Variants in GPC6 observed in about 807,000 individuals in gnomAD.
The protein encoded by GPC6 is glypican-6.
GPC6 carries 14 observed loss-of-function variants against 55.2 expected under a neutral mutation model. The observed-to-expected ratio is 0.25, with a 90% CI of 0.17 to 0.40. The LOEUF is 0.40. GPC6 is among the 10% of genes least tolerant of loss of function. GPC6 has a pLI of 1.00. For synonymous variants in GPC6, 278 were observed against 259.6 expected (o/e 1.07, Z -0.68); for missense variants, 641 against 708.5 (o/e 0.90, Z 1.08).
intron 1 of GPC6, among the ~76,000 whole-genome samples, chr13:93,503,662 A>G (rs190772019): frequency 2.6e-5 from 4 of 152,248 alleles, no homozygotes; most frequent in Admixed American, 6.5e-5. Context: ...AGCTGTAGCA[A>G]TGGAATCTTA....
At chr13:93,311,025 A>G (rs556799237) in intron 1 of GPC6, among the ~76,000 whole-genome samples, 1 of 152,346 alleles carries the variant, frequency 6.6e-6, no homozygotes, top group East Asian at 1.9e-4. Context: ...TTTCTGATAT[A>G]AAAATGAAGA....
intron 4 of GPC6, among the ~76,000 whole-genome samples, chr13:94,106,555 G>A (rs1195146501): frequency 6.6e-6 from 1 of 151,906 alleles, no homozygotes; most frequent in East Asian, 1.9e-4. Context: ...AGGAGAGAGG[G>A]AGGGAAAGAG....
Position 93,246,162 on chromosome 13 carries a change from T to TA in GPC6, c.160+18547dup, listed in dbSNP as rs559354676. The stretch of plus-strand genomic sequence containing the variant: ...AGATCTAGCCATTTCCCCTGACTTT[T>TA]AGACTGTTATGCAAGGCGACTACAT... On this transcript the variant is annotated intron_variant, in intron 1 of 8. Coordinates refer to ENST00000377047, the MANE Select transcript of GPC6 (RefSeq NM_005708.5). 3.6e-3 allele frequency among the ~76,000 whole-genome samples: 546 copies of TA among 152,322 alleles called. 3 individuals are homozygous for TA. Among genetic ancestry groups the TA allele is most frequent in the African/African-American group, 0.012 (511 of 41,572 alleles).
At chr13:93,456,678 T>C (rs1878464308) in intron 1 of GPC6, among the ~76,000 whole-genome samples, 1 of 152,040 alleles carries the variant, frequency 6.6e-6, no homozygotes, top group African/African-American at 2.4e-5. Flanking sequence ...AGGAGAAAGA[T>C]AATATATGGA....
chr13:94,217,896 T>C (rs906662176), intron 4 of GPC6, among the ~76,000 whole-genome samples: 1 of 150,458 alleles, frequency 6.6e-6, no homozygotes, highest in East Asian at 2.0e-4. Flanking sequence ...CTTGAGGTGT[T>C]GTGGAGAGTA....
At chr13:94,393,055 A>T (rs1162463719) in intron 7 of GPC6, among the ~76,000 whole-genome samples, 1 of 152,224 alleles carries the variant, frequency 6.6e-6, no homozygotes, top group Non-Finnish European at 1.5e-5. Context: ...ATTTTAAATT[A>T]TAGCCATCCT....
intron 1 of GPC6, among the ~76,000 whole-genome samples, chr13:93,472,524 G>A (rs930557157): frequency 5.9e-5 from 9 of 152,316 alleles, no homozygotes; most frequent in East Asian, 1.9e-4. Flanking sequence ...TGGACCAGGC[G>A]TTACTGCAAA....
At chr13:93,548,791 A>G (rs919635343) in intron 2 of GPC6, among the ~76,000 whole-genome samples, 1 of 152,214 alleles carries the variant, frequency 6.6e-6, no homozygotes, top group Admixed American at 6.5e-5. Context: ...TTTTAGAAAT[A>G]CATAATATCA....
intron 2 of GPC6, among the ~76,000 whole-genome samples, chr13:93,591,369 C>T (rs1877469737): frequency 1.3e-5 from 2 of 150,666 alleles, no homozygotes; most frequent in South Asian, 4.2e-4. Context: ...GAGGCTGAGG[C>T]AGGAGAGTGG....
intron 4 of GPC6, among the ~76,000 whole-genome samples, chr13:94,140,689 T>G (rs541006617): frequency 6.6e-5 from 10 of 152,194 alleles, no homozygotes; most frequent in African/African-American, 2.4e-4. Context: ...CTCCTTTAAC[T>G]AGATGGCTGT....
chr13:94,132,028 C>T (rs1328546198), intron 4 of GPC6, among the ~76,000 whole-genome samples: 3 of 152,134 alleles, frequency 2.0e-5, no homozygotes, highest in Admixed American at 6.6e-5. Flanking sequence ...CCTGTTACCT[C>T]GTTTGACCTT....
chr13:93,990,222 T>G (rs1461145475), intron 3 of GPC6, among the ~76,000 whole-genome samples: 1 of 152,062 alleles, frequency 6.6e-6, no homozygotes, highest in Non-Finnish European at 1.5e-5. Flanking sequence ...GATCAAAACA[T>G]AATTCTACCC....
intron 6 of GPC6, among the ~76,000 whole-genome samples, chr13:94,373,383 C>A (rs1879678985): frequency 6.6e-6 from 1 of 151,992 alleles, no homozygotes; most frequent in Non-Finnish European, 1.5e-5. Flanking sequence ...GCTGATGGAG[C>A]TGAAAACCAA....
chr13:93,310,409 C>T (rs905311612), intron 1 of GPC6, among the ~76,000 whole-genome samples: 2 of 152,134 alleles, frequency 1.3e-5, no homozygotes, highest in African/African-American at 2.4e-5. Context: ...GGTCCATCTC[C>T]GTGGAGTGAG....
At chr13:94,268,317 A>G (rs182330694) in intron 4 of GPC6, among the ~76,000 whole-genome samples, 64 of 152,328 alleles carry the variant, frequency 4.2e-4, no homozygotes, top group African/African-American at 1.5e-3. Flanking sequence ...TTGAATATAC[A>G]TAGATATAAT....
chr13:93,600,511 T>G (rs1397252666), intron 2 of GPC6, among the ~76,000 whole-genome samples: 1 of 152,108 alleles, frequency 6.6e-6, no homozygotes, highest in Non-Finnish European at 1.5e-5. Context: ...CTAAAACGTC[T>G]CCAGAAAAAA....
chr13:93,736,995 C>T (rs867755060), intron 2 of GPC6, among the ~76,000 whole-genome samples: 19 of 152,166 alleles, frequency 1.2e-4, no homozygotes, highest in South Asian at 1.2e-3. Context: ...AGGAAATGAA[C>T]GAGATTGACC....
At chr13:94,377,799 A>G (rs375346137) in intron 6 of GPC6, among the ~76,000 whole-genome samples, 4 of 152,218 alleles carry the variant, frequency 2.6e-5, no homozygotes, top group East Asian at 3.8e-4. Context: ...ACCAACCCAA[A>G]TGTCCAACAA....
intron 6 of GPC6, among the ~76,000 whole-genome samples, chr13:94,311,980 A>C (rs561581668): frequency 1.3e-5 from 2 of 152,160 alleles, no homozygotes; most frequent in Non-Finnish European, 2.9e-5. Context: ...ATCTCTTGGG[A>C]GCTCCAGGTT....
Sources: allele counts gnomAD v4.1 joint callset (sites outside exome capture counted in the v4.1 genomes callset), GRCh38; gene constraint gnomAD v4.1.1; transcripts MANE v1.5; gene names NCBI Gene and HGNC (gene_info 2026-07-23, HGNC 2026-07-21).